Variants in FAXC observed in about 807,000 individuals in gnomAD.
The protein encoded by FAXC is failed axon connections homolog, metaxin like GST domain containing, also known as failed axon connections homolog.
FAXC carries 10 observed loss-of-function variants against 41.9 expected under a neutral mutation model. The observed-to-expected ratio is 0.24, with a 90% CI of 0.15 to 0.41. FAXC has a LOEUF of 0.41. Among genes scored for constraint, FAXC ranks in the 10% least tolerant of loss-of-function variants. The pLI, the probability that FAXC is intolerant of heterozygous loss-of-function variation, is 1.00. For synonymous variants in FAXC, 183 were observed against 183.8 expected (o/e 1.00, Z 0.03); for missense variants, 399 against 510.9 (o/e 0.78, Z 2.11).
chr6:99,275,209 G>C lies in FAXC; in HGVS notation c.*5955C>G, dbSNP rs952810053. The C allele has an allele frequency of 6.6e-6, 1 of 152,152 alleles. No individual in the cohort carries two copies. The highest frequency in any genetic ancestry group is 1.5e-5 in the Non-Finnish European group (1 of 68,024). The allele number at this position is 152,152 out of a possible 1,614,324, so 9.4% of individuals were successfully genotyped here. Reference sequence around the variant, plus strand: ...GGAGGTGAATTAGTCACATTTAGTAGCACAACTTTTTATAAAGTTAACTGA... The same window carrying C: ...GGAGGTGAATTAGTCACATTTAGTACCACAACTTTTTATAAAGTTAACTGA... On this transcript the variant is annotated 3_prime_UTR_variant, in exon 6 of 6. Coordinates refer to ENST00000389677, the MANE Select transcript of FAXC (RefSeq NM_032511.4).
chr6:99,315,757 G>GCA (rs1179436978), intron 4 of FAXC, among the ~76,000 whole-genome samples: 1 of 152,148 alleles, frequency 6.6e-6, no homozygotes, highest in East Asian at 1.9e-4. Context: ...ACAGATCCTG[G>GCA]AGTCCATGCT....
At position 99,280,546 on chromosome 6, in the gene FAXC, C is replaced by T. The variant is rs1346593832; in HGVS notation, c.*618G>A. The T allele has an allele frequency of 6.6e-6, 1 of 152,628 alleles. No homozygotes were observed. Among genetic ancestry groups the T allele is most frequent in the African/African-American group, 2.4e-5 (1 of 41,474 alleles). 9.5% of individuals were successfully genotyped at this position (152,628 alleles called of 1,614,324 possible). ...CACTTTACAGGTGGGAGAAATGAGG[C>T]ACCCAATAGTTAATAAGAGATTTGC... On this transcript the variant is annotated 3_prime_UTR_variant, in exon 6 of 6. Coordinates refer to ENST00000389677, the MANE Select transcript of FAXC (RefSeq NM_032511.4).
At chr6:99,321,668 T>C (rs190285303) in intron 4 of FAXC, among the ~76,000 whole-genome samples, 2 of 152,380 alleles carry the variant, frequency 1.3e-5, no homozygotes, top group East Asian at 3.9e-4. Flanking sequence ...GTATCCAGCC[T>C]AGCTATCAGT....
intron 5 of FAXC, among the ~76,000 whole-genome samples, chr6:99,283,915 T>C (rs1488430897): frequency 6.6e-6 from 1 of 152,244 alleles, no homozygotes; most frequent in African/African-American, 2.4e-5. Context: ...ACAGGATCTA[T>C]GAATATCACT....
intron 4 of FAXC, among the ~76,000 whole-genome samples, chr6:99,307,547 A>G (rs12209749): frequency 0.072 from 11,011 of 152,160 alleles, 514 homozygotes; most frequent in African/African-American, 0.12. Context: ...CCACTGTGGC[A>G]GCAGTGGGGA....
chr6:99,305,182 A>G (rs1203533549), intron 4 of FAXC, among the ~76,000 whole-genome samples: 1 of 152,226 alleles, frequency 6.6e-6, no homozygotes, highest in African/African-American at 2.4e-5. Flanking sequence ...GAGAGCCTAC[A>G]GTTCTAGTCT....
intron 4 of FAXC, among the ~76,000 whole-genome samples, chr6:99,316,923 T>G (rs1007208098): frequency 3.9e-5 from 6 of 152,192 alleles, no homozygotes; most frequent in Admixed American, 3.9e-4. Flanking sequence ...AGCAAATGAT[T>G]CATTTTTACT....
intron 2 of FAXC, among the ~76,000 whole-genome samples, chr6:99,335,982 A>G (rs1773202306): frequency 6.6e-6 from 1 of 152,142 alleles, no homozygotes; most frequent in African/African-American, 2.4e-5. Context: ...AGACTTACAA[A>G]CATGTCACAA....
intron 4 of FAXC, among the ~76,000 whole-genome samples, chr6:99,309,499 C>G (rs1772075369): frequency 6.6e-6 from 1 of 152,154 alleles, no homozygotes; most frequent in Non-Finnish European, 1.5e-5. Context: ...ATTCAGATAG[C>G]AACAAGGAAA....
chr6:99,341,542 C>T (rs894088910), intron 2 of FAXC, among the ~76,000 whole-genome samples: 4 of 151,940 alleles, frequency 2.6e-5, no homozygotes, highest in African/African-American at 9.7e-5. Flanking sequence ...GAAAAATAAA[C>T]AAGAGTAAAA....
chr6:99,347,700 A>T (rs1411827290), intron 1 of FAXC, among the ~76,000 whole-genome samples: 9 of 152,258 alleles, frequency 5.9e-5, no homozygotes, highest in Non-Finnish European at 1.0e-4. Context: ...GATCTCCTCA[A>T]AGGCTTTAGA....
At chr6:99,295,651 T>A (rs1771459601) in intron 4 of FAXC, among the ~76,000 whole-genome samples, 1 of 152,204 alleles carries the variant, frequency 6.6e-6, no homozygotes, top group African/African-American at 2.4e-5. Context: ...CTCCATATAA[T>A]AAATCCTAAT....
chr6:99,305,171 T>G (rs1490588006), intron 4 of FAXC, among the ~76,000 whole-genome samples: 2 of 152,182 alleles, frequency 1.3e-5, no homozygotes, highest in Admixed American at 6.5e-5. Flanking sequence ...TAAGAGGAAC[T>G]GAGAGCCTAC....
chr6:99,340,316 G>T (rs1273002518), intron 2 of FAXC, among the ~76,000 whole-genome samples: 1 of 152,058 alleles, frequency 6.6e-6, no homozygotes, highest in Non-Finnish European at 1.5e-5. Context: ...GGCCAGGCTG[G>T]TCTTGAACTC....
chr6:99,294,641 A>G (rs1771407072), intron 4 of FAXC, among the ~76,000 whole-genome samples: 1 of 152,178 alleles, frequency 6.6e-6, no homozygotes. Context: ...GAGGGGGAGA[A>G]AGAAAATGTT....
At chr6:99,289,359 A>T (rs1251180418) in intron 5 of FAXC, among the ~76,000 whole-genome samples, 1 of 152,178 alleles carries the variant, frequency 6.6e-6, no homozygotes, top group Non-Finnish European at 1.5e-5. Flanking sequence ...AGCTAAAAAT[A>T]TCATAAGTCA....
intron 4 of FAXC, among the ~76,000 whole-genome samples, chr6:99,297,971 G>T (rs955206861): frequency 2.6e-5 from 4 of 152,196 alleles, no homozygotes; most frequent in African/African-American, 9.7e-5. Flanking sequence ...CTGAGTGTTA[G>T]TTAGACATTC....
At chr6:99,304,213 G>A (rs1771824167) in intron 4 of FAXC, among the ~76,000 whole-genome samples, 1 of 152,042 alleles carries the variant, frequency 6.6e-6, no homozygotes, top group Admixed American at 6.5e-5. Flanking sequence ...TTGAATCCAG[G>A]AGGCAGAGGT....
At chr6:99,284,554 AGTGTCTGTGT>A (rs1252322696) in intron 5 of FAXC, among the ~76,000 whole-genome samples, 17 of 104,476 alleles carry the variant, frequency 1.6e-4, no homozygotes, top group African/African-American at 6.4e-4. Flanking sequence ...GGTTGTGTGG[AGTGTCTGTGT>A]GTGTGTGTGT....
Sources: gnomAD v4.1 joint callset for allele counts (sites outside exome capture counted in the v4.1 genomes callset) on GRCh38, gnomAD v4.1.1 for gene constraint, MANE v1.5 for transcripts, NCBI Gene and HGNC (gene_info 2026-07-23, HGNC 2026-07-21) for gene names.